Variants in OSTN observed in about 807,000 individuals in gnomAD.
OSTN encodes the protein osteocrin.
Under a neutral mutation model 12.0 loss-of-function variants are expected in OSTN, and 9 were observed. The ratio of observed to expected loss-of-function variants is 0.75; its 90% confidence interval spans 0.45 to 1.30. The LOEUF is 1.30. OSTN is among the 50% of genes most tolerant of loss of function. The pLI is 0.00. For synonymous variants in OSTN, 59 were observed against 56.9 expected (o/e 1.04, Z -0.16); for missense variants, 148 against 152.3 (o/e 0.97, Z 0.15).
chr3:191,207,105 C>T (rs1046764215), intron 1 of OSTN, among the ~76,000 whole-genome samples: 5 of 152,108 alleles, frequency 3.3e-5, no homozygotes, highest in South Asian at 2.1e-4. Context: ...TGCTCTGTCG[C>T]GGTGAGAAGA....
chr3:191,209,305 CTAAAG>C (rs1240984555), intron 1 of OSTN, among the ~76,000 whole-genome samples: 4 of 152,128 alleles, frequency 2.6e-5, no homozygotes, highest in Non-Finnish European at 5.9e-5. Flanking sequence ...GGCTGGCTTC[CTAAAG>C]TAATCACTAA....
intron 1 of OSTN, among the ~76,000 whole-genome samples, chr3:191,204,991 C>T (rs949811131): frequency 1.3e-5 from 2 of 152,086 alleles, no homozygotes; most frequent in Admixed American, 6.5e-5. Context: ...AGTGTTTCTA[C>T]ATACTATTTT....
At chr3:191,242,603 C>T (rs1715346586) in intron 3 of OSTN, among the ~76,000 whole-genome samples, 1 of 152,042 alleles carries the variant, frequency 6.6e-6, no homozygotes, top group Non-Finnish European at 1.5e-5. Flanking sequence ...TTATATTGCT[C>T]AATCTGATCG....
intron 1 of OSTN, among the ~76,000 whole-genome samples, chr3:191,200,627 T>G (rs949172420): frequency 1.5e-4 from 23 of 152,202 alleles, no homozygotes; most frequent in African/African-American, 5.5e-4. Context: ...GGCTTGATAA[T>G]ATTGTATTTT....
intron 3 of OSTN, among the ~76,000 whole-genome samples, chr3:191,230,608 A>G (rs1715030176): frequency 6.6e-6 from 1 of 151,672 alleles, no homozygotes; most frequent in South Asian, 2.1e-4. Context: ...TAAAAGGGCT[A>G]AGTAGCATGA....
At chr3:191,212,081 G>T (rs977494598) in intron 1 of OSTN, among the ~76,000 whole-genome samples, 2 of 152,150 alleles carry the variant, frequency 1.3e-5, no homozygotes, top group African/African-American at 4.8e-5. Context: ...TGGATGGTGG[G>T]TGTTTTGAAA....
At chr3:191,248,306 T>C (rs540526283) in intron 3 of OSTN, among the ~76,000 whole-genome samples, 8 of 152,296 alleles carry the variant, frequency 5.3e-5, no homozygotes, top group African/African-American at 1.9e-4. Flanking sequence ...TATTTATGAC[T>C]CATTTCTTCC....
intron 3 of OSTN, chr3:191,229,839 T>C (rs926756390): frequency 6.6e-6 from 1 of 151,794 alleles, no homozygotes; most frequent in Non-Finnish European, 1.5e-5. Context: ...TCAAGGCGGG[T>C]GGATCGCTTG....
intron 3 of OSTN, among the ~76,000 whole-genome samples, chr3:191,221,770 G>T (rs1714770804): frequency 6.6e-6 from 1 of 152,324 alleles, no homozygotes; most frequent in Non-Finnish European, 1.5e-5. Context: ...AAATGTACAT[G>T]AATAACTAGA....
intron 1 of OSTN, among the ~76,000 whole-genome samples, chr3:191,202,388 C>A (rs1714170191): frequency 6.6e-6 from 1 of 152,174 alleles, no homozygotes; most frequent in Non-Finnish European, 1.5e-5. Flanking sequence ...CCACCTGAAC[C>A]AGGCTGTGAG....
At chr3:191,206,410 T>C (rs900230720) in intron 1 of OSTN, among the ~76,000 whole-genome samples, 1 of 152,190 alleles carries the variant, frequency 6.6e-6, no homozygotes, top group Non-Finnish European at 1.5e-5. Flanking sequence ...ATTCTTTCTT[T>C]TCAGCTAGAA....
intron 4 of OSTN, among the ~76,000 whole-genome samples, chr3:191,252,060 A>AT (rs34589385): frequency 0.064 from 9,653 of 151,150 alleles, 432 homozygotes; most frequent in African/African-American, 0.13. Context: ...TTTTCATATG[A>AT]TTTTTTTTTG....
chr3:191,237,530 G>A (rs1715224911), intron 3 of OSTN, among the ~76,000 whole-genome samples: 1 of 152,176 alleles, frequency 6.6e-6, no homozygotes, highest in Admixed American at 6.5e-5. Flanking sequence ...GAGGTCAAGT[G>A]CCCCATTTGA....
At chr3:191,237,280 A>C (rs1488522708) in intron 3 of OSTN, among the ~76,000 whole-genome samples, 1 of 152,242 alleles carries the variant, frequency 6.6e-6, no homozygotes, top group Non-Finnish European at 1.5e-5. Flanking sequence ...ATTCACTTAG[A>C]ATATATGCAT....
intron 3 of OSTN, among the ~76,000 whole-genome samples, chr3:191,225,041 T>C (rs1205395715): frequency 1.3e-5 from 2 of 151,972 alleles, no homozygotes; most frequent in Non-Finnish European, 1.5e-5. Flanking sequence ...AATAAATCAA[T>C]GCAAAGCTGC....
At chr3:191,221,804 A>G (rs1714771922) in intron 3 of OSTN, among the ~76,000 whole-genome samples, 1 of 152,232 alleles carries the variant, frequency 6.6e-6, no homozygotes, top group African/African-American at 2.4e-5. Context: ...TCACCAAGCC[A>G]ATGGGGAAAA....
At chr3:191,246,500 A>G (rs548063610) in intron 3 of OSTN, among the ~76,000 whole-genome samples, 2 of 151,042 alleles carry the variant, frequency 1.3e-5, no homozygotes, top group Middle Eastern at 6.9e-3. Context: ...CAGCTACTCA[A>G]GAGGCTGAGG....
chr3:191,248,033 C>T (rs1270456208), intron 3 of OSTN, among the ~76,000 whole-genome samples: 2 of 151,972 alleles, frequency 1.3e-5, no homozygotes, highest in Non-Finnish European at 1.5e-5. Flanking sequence ...GGGGTTTCAC[C>T]ATGTTGGCCA....
intron 4 of OSTN, among the ~76,000 whole-genome samples, chr3:191,251,691 A>T (rs1050556850): frequency 6.6e-6 from 1 of 152,240 alleles, no homozygotes; most frequent in Non-Finnish European, 1.5e-5. Flanking sequence ...GTCTATAGAT[A>T]CAAGAGAACT....
Sources: allele counts gnomAD v4.1 joint callset (sites outside exome capture counted in the v4.1 genomes callset), GRCh38; gene constraint gnomAD v4.1.1; transcripts MANE v1.5; gene names NCBI Gene and HGNC (gene_info 2026-07-23, HGNC 2026-07-21).